Variants in RABGAP1L observed in about 807,000 individuals in gnomAD.
RABGAP1L encodes rab GTPase-activating protein 1-like.
A neutral mutation model predicts 137.7 loss-of-function variants in RABGAP1L; 63 were observed. That is an observed-to-expected ratio of 0.46 (90% CI 0.37 to 0.56). The LOEUF (loss-of-function observed/expected upper bound fraction) is 0.56, where lower values mean the gene tolerates loss of function less well. RABGAP1L is among the 20% of genes least tolerant of loss of function. The pLI, the probability that RABGAP1L is intolerant of heterozygous loss-of-function variation, is 0.00. For missense variants in RABGAP1L, 1,095 were observed against 1,244.0 expected (o/e 0.88, Z 1.80); for synonymous variants, 431 against 433.7 (o/e 0.99, Z 0.08).
chr1:174,980,822 A>G (rs1671035428), intron 23 of RABGAP1L, among the ~76,000 whole-genome samples: 1 of 152,206 alleles, frequency 6.6e-6, no homozygotes, highest in Non-Finnish European at 1.5e-5. Context: ...CGCGAATACC[A>G]GAGTCCAACT....
At chr1:174,564,264 C>A (rs1667421850) in intron 13 of RABGAP1L, among the ~76,000 whole-genome samples, 1 of 151,960 alleles carries the variant, frequency 6.6e-6, no homozygotes, top group African/African-American at 2.4e-5. Context: ...AATTTTTATT[C>A]CCATTTTTTT....
At chr1:174,946,992 A>G (rs868464010) in intron 19 of RABGAP1L, among the ~76,000 whole-genome samples, 1,337 of 125,288 alleles carry the variant, frequency 0.011, 43 homozygotes, top group African/African-American at 0.037. Context: ...ATATATATGT[A>G]TATATATATG....
intron 10 of RABGAP1L, among the ~76,000 whole-genome samples, chr1:174,295,449 T>G (rs1677038574): frequency 6.6e-6 from 1 of 151,924 alleles, no homozygotes; most frequent in South Asian, 2.1e-4. Flanking sequence ...AGTGGCGCCA[T>G]CTCAGCTCAC....
intron 1 of RABGAP1L, among the ~76,000 whole-genome samples, chr1:174,175,766 C>T (rs1012711209): frequency 3.3e-5 from 5 of 151,740 alleles, no homozygotes; most frequent in Non-Finnish European, 5.9e-5. Flanking sequence ...GCTGGGATTA[C>T]AGGCACCCAC....
intron 12 of RABGAP1L, among the ~76,000 whole-genome samples, chr1:174,374,258 T>A (rs1685334046): frequency 6.6e-6 from 1 of 152,132 alleles, no homozygotes; most frequent in African/African-American, 2.4e-5. Context: ...ATCATAGAAA[T>A]AAGCAACGTG....
chr1:174,349,044 C>CG (rs551877098), intron 11 of RABGAP1L, among the ~76,000 whole-genome samples: 18,431 of 99,646 alleles, frequency 0.18, 268 homozygotes, highest in African/African-American at 0.23. Flanking sequence ...GCTGGCCGGG[C>CG]GGGGGGGGGG....
At chr1:174,525,483 TG>T (rs1276763977) in intron 13 of RABGAP1L, among the ~76,000 whole-genome samples, 1 of 152,148 alleles carries the variant, frequency 6.6e-6, no homozygotes, top group Non-Finnish European at 1.5e-5. Context: ...TTTTGTTTGT[TG>T]ATTTTGTATT....
intron 13 of RABGAP1L, among the ~76,000 whole-genome samples, chr1:174,604,004 G>T (rs1047890490): frequency 1.3e-5 from 2 of 151,734 alleles, no homozygotes; most frequent in African/African-American, 2.4e-5. Context: ...GAGCTGTGCT[G>T]CCTTGTGTTG....
chr1:174,634,192 AAAAC>A (rs1197762930), intron 13 of RABGAP1L, among the ~76,000 whole-genome samples: 4 of 141,322 alleles, frequency 2.8e-5, no homozygotes, highest in East Asian at 2.0e-4. Context: ...TTACAAGAAA[AAAAC>A]AAACAACCCA....
intron 13 of RABGAP1L, among the ~76,000 whole-genome samples, chr1:174,575,055 C>T (rs143145019): frequency 0.035 from 5,345 of 152,210 alleles, 126 homozygotes; most frequent in Middle Eastern, 0.088. Context: ...CTCAGCCTTC[C>T]GAGTAGCTGG....
chr1:174,982,848 G>A lies in RABGAP1L; in HGVS notation c.2748G>A (p.Leu916=). ...IAEYKQICSQ[L]STRLEKQQAA... ...CTCATCCTTAGATCTGTTCGCAGTT[G>A]AGTACCAGGCTGGAGAAACAGCAAG... Residue 916 remains leucine (L), a synonymous_variant, in exon 24 of 26, where the codon TTG becomes TTA. Coordinates refer to ENST00000681986, the MANE Select transcript of RABGAP1L (RefSeq NM_001366446.1). The A allele has an allele frequency of 6.4e-7, 1 of 1,550,436 alleles. No homozygotes were observed. Among genetic ancestry groups the A allele is most frequent in the Non-Finnish European group, 8.7e-7 (1 of 1,146,902 alleles).
intron 10 of RABGAP1L, among the ~76,000 whole-genome samples, chr1:174,285,434 G>A (rs1227838333): frequency 5.3e-5 from 8 of 151,636 alleles, no homozygotes; most frequent in Admixed American, 5.3e-4. Context: ...TTATTTTTCA[G>A]ATAGTTTGTC....
chr1:174,465,360 C>T (rs764967505), intron 13 of RABGAP1L, among the ~76,000 whole-genome samples: 3 of 152,148 alleles, frequency 2.0e-5, no homozygotes, highest in South Asian at 4.2e-4. Flanking sequence ...CCACCATGCC[C>T]GGCTAATTTT....
intron 19 of RABGAP1L, among the ~76,000 whole-genome samples, chr1:174,900,228 A>G (rs1657912745): frequency 6.6e-6 from 1 of 152,210 alleles, no homozygotes; most frequent in Non-Finnish European, 1.5e-5. Flanking sequence ...ACGTGAGGAA[A>G]CCAAAGCACG....
At chr1:174,424,570 T>C (rs1441393777) in intron 13 of RABGAP1L, among the ~76,000 whole-genome samples, 1 of 152,106 alleles carries the variant, frequency 6.6e-6, no homozygotes, top group Non-Finnish European at 1.5e-5. Context: ...AGTTGGCTTT[T>C]TGTTTTCTTT....
chr1:174,661,703 G>A (rs991405731), intron 14 of RABGAP1L, among the ~76,000 whole-genome samples: 6 of 152,124 alleles, frequency 3.9e-5, no homozygotes, highest in Admixed American at 1.3e-4. Context: ...TGTCTAGTAA[G>A]ATATACCATT....
Position 174,292,045 on chromosome 1 carries a change from T to TATTATTATTATC in RABGAP1L, c.1324-12930_1324-12929insCATTATTATTAT, listed in dbSNP as rs1175952703. Reference sequence around the variant, plus strand: ...TTATTATTATTATTATTATTATTATTATTATTATTATTGACAGGGTCTTGC... The same window carrying TATTATTATTATC: ...TTATTATTATTATTATTATTATTATTATTATTATTATCATTATTATTATTGACAGGGTCTTGC... On this transcript the variant is annotated intron_variant, in intron 10 of 25. Transcript: ENST00000681986. Among the ~76,000 whole-genome samples, 5 of 147,848 alleles carry TATTATTATTATC rather than the reference T, an allele frequency of 3.4e-5. No individual in the cohort carries two copies. The East Asian group carries it at 9.7e-4, about 29-fold the overall frequency.
At chr1:174,603,480 G>C (rs747026442) in intron 13 of RABGAP1L, among the ~76,000 whole-genome samples, 3 of 152,026 alleles carry the variant, frequency 2.0e-5, no homozygotes, top group Non-Finnish European at 4.4e-5. Context: ...CTTCATTCAA[G>C]GCCAGAACTG....
At chr1:174,280,596 A>G (rs1016689278) in intron 10 of RABGAP1L, among the ~76,000 whole-genome samples, 1 of 152,196 alleles carries the variant, frequency 6.6e-6, no homozygotes, top group African/African-American at 2.4e-5. Flanking sequence ...ATGTGTGGGC[A>G]GTGGGGATGT....
Sources: gnomAD v4.1 joint callset for allele counts (sites outside exome capture counted in the v4.1 genomes callset) on GRCh38, gnomAD v4.1.1 for gene constraint, MANE v1.5 for transcripts, NCBI Gene and HGNC (gene_info 2026-07-23, HGNC 2026-07-21) for gene names.